Variants in ERBB4 observed in about 807,000 individuals in gnomAD.
ERBB4 encodes the protein erb-b2 receptor tyrosine kinase 4.
ERBB4 carries 42 observed loss-of-function variants against 158.0 expected under a neutral mutation model. The observed-to-expected ratio is 0.27, with a 90% confidence interval of 0.21 to 0.34. The LOEUF (loss-of-function observed/expected upper bound fraction) is 0.34, where lower values mean the gene tolerates loss of function less well. Ranked by LOEUF, ERBB4 falls within the 10% of genes least tolerant of loss-of-function variation. The probability of loss-of-function intolerance (pLI) is 1.00; values close to 1 mark genes in which losing one functional copy is unlikely to be tolerated. For missense variants in ERBB4, 1,333 were observed against 1,624.1 expected (o/e 0.82, Z 3.08); for synonymous variants, 583 against 558.7 (o/e 1.04, Z -0.61).
intron 20 of ERBB4, among the ~76,000 whole-genome samples, chr2:211,502,735 G>T (rs895241915): frequency 1.7e-4 from 26 of 152,038 alleles, no homozygotes; most frequent in Admixed American, 4.6e-4. Context: ...GCTCATTTAA[G>T]GATTTATAAT....
chr2:211,985,962 T>C (rs1002751229), intron 2 of ERBB4, among the ~76,000 whole-genome samples: 3 of 152,208 alleles, frequency 2.0e-5, no homozygotes, highest in Non-Finnish European at 4.4e-5. Flanking sequence ...TATTTGGAAA[T>C]AGCAGATCTA....
At chr2:212,320,249 G>T (rs574674212) in intron 1 of ERBB4, among the ~76,000 whole-genome samples, 2 of 147,840 alleles carry the variant, frequency 1.4e-5, no homozygotes, top group Admixed American at 6.7e-5. Flanking sequence ...TCCTGTGGCT[G>T]CCAGCATATA....
At chr2:211,806,929 T>C (rs1305400561) in intron 3 of ERBB4, among the ~76,000 whole-genome samples, 1 of 152,104 alleles carries the variant, frequency 6.6e-6, no homozygotes, top group Non-Finnish European at 1.5e-5. Flanking sequence ...CTTTTAAAGA[T>C]ACTTTTAAAG....
chr2:212,179,953 A>G (rs2081804148), intron 1 of ERBB4, among the ~76,000 whole-genome samples: 1 of 151,686 alleles, frequency 6.6e-6, no homozygotes, highest in Admixed American at 6.6e-5. Context: ...ATAGATGATA[A>G]AAAATAAATC....
At chr2:212,110,471 T>G (rs1329160814) in intron 2 of ERBB4, among the ~76,000 whole-genome samples, 1 of 152,212 alleles carries the variant, frequency 6.6e-6, no homozygotes, top group Non-Finnish European at 1.5e-5. Flanking sequence ...CTTTGACACT[T>G]TTCCAGCAGC....
intron 2 of ERBB4, among the ~76,000 whole-genome samples, chr2:212,072,729 A>C (rs2078160271): frequency 6.6e-6 from 1 of 152,006 alleles, no homozygotes; most frequent in African/African-American, 2.4e-5. Context: ...CATTTAAATC[A>C]ATAGATATTT....
chr2:211,952,616 G>A (rs2080903872), intron 2 of ERBB4, among the ~76,000 whole-genome samples: 1 of 152,052 alleles, frequency 6.6e-6, no homozygotes, highest in Non-Finnish European at 1.5e-5. Flanking sequence ...GGGCTTGTCT[G>A]CCAGGCAAAG....
At chr2:212,188,046 A>G (rs1456273586) in intron 1 of ERBB4, among the ~76,000 whole-genome samples, 4 of 152,050 alleles carry the variant, frequency 2.6e-5, no homozygotes, top group Non-Finnish European at 4.4e-5. Flanking sequence ...TGAATTTAGC[A>G]CTTCTTCTCC....
intron 1 of ERBB4, among the ~76,000 whole-genome samples, chr2:212,133,396 G>A (rs182254660): frequency 1.5e-5 from 2 of 137,126 alleles, no homozygotes; most frequent in South Asian, 4.5e-4. Flanking sequence ...TCATTTTGGT[G>A]TTTTTTTTTT....
intron 1 of ERBB4, among the ~76,000 whole-genome samples, chr2:212,290,647 A>G (rs1013840891): frequency 1.3e-5 from 2 of 151,770 alleles, no homozygotes; most frequent in African/African-American, 4.9e-5. Context: ...ATCACATACT[A>G]TACTATATTT....
chr2:211,962,551 G>A (rs946865857), intron 2 of ERBB4, among the ~76,000 whole-genome samples: 3 of 152,148 alleles, frequency 2.0e-5, no homozygotes, highest in Non-Finnish European at 4.4e-5. Flanking sequence ...TAGTGGCACT[G>A]TATACAGAGA....
intron 20 of ERBB4, among the ~76,000 whole-genome samples, chr2:211,544,982 G>T (rs2066904867): frequency 6.6e-6 from 1 of 151,954 alleles, no homozygotes; most frequent in Admixed American, 6.6e-5. Context: ...GAACATCAGG[G>T]GCTAGAAGGA....
intron 16 of ERBB4, among the ~76,000 whole-genome samples, chr2:211,652,077 C>T (rs2071008421): frequency 6.6e-6 from 1 of 152,152 alleles, no homozygotes; most frequent in Non-Finnish European, 1.5e-5. Context: ...ATTTTGCTAT[C>T]AAGGTAAAAG....
intron 1 of ERBB4, among the ~76,000 whole-genome samples, chr2:212,474,830 T>C (rs1350689830): frequency 7.3e-6 from 1 of 136,338 alleles, no homozygotes; most frequent in Non-Finnish European, 1.5e-5. Flanking sequence ...TTCTTTTTTT[T>C]TTTTTTTTTT....
At chr2:211,888,533 G>A (rs939045934) in intron 3 of ERBB4, among the ~76,000 whole-genome samples, 5 of 152,042 alleles carry the variant, frequency 3.3e-5, no homozygotes, top group Middle Eastern at 3.4e-3. Flanking sequence ...TTCATTTCAC[G>A]ACAGGGGAGG....
chr2:211,431,231 T>C lies in ERBB4; in HGVS notation c.2488-131A>G, dbSNP rs572758671. The stretch of plus-strand genomic sequence containing the variant: ...AGTGAAGCCAGAATCCTAGAATATT[T>C]TCAAAATTAGAGAAAACCTGATTTG... On this transcript the variant is annotated intron_variant, in intron 20 of 27. Transcript: ENST00000342788. The C allele has an allele frequency of 1.7e-5, 14 of 804,238 alleles. No homozygotes were observed. In the African/African-American group the frequency reaches 2.4e-4, roughly 14 times the overall value. 49.8% of individuals were successfully genotyped at this position (804,238 alleles called of 1,614,324 possible).
chr2:211,529,227 C>A (rs1306836764), intron 20 of ERBB4, among the ~76,000 whole-genome samples: 2 of 151,004 alleles, frequency 1.3e-5, no homozygotes, highest in African/African-American at 4.9e-5. Context: ...CTAGGAGTAA[C>A]AATATGCCAA....
intron 3 of ERBB4, among the ~76,000 whole-genome samples, chr2:211,894,797 G>T (rs569410290): frequency 3.7e-4 from 56 of 152,182 alleles, no homozygotes; most frequent in African/African-American, 1.3e-3. Flanking sequence ...TTTTCAAAAA[G>T]GAAGGGGAAA....
intron 1 of ERBB4, among the ~76,000 whole-genome samples, chr2:212,358,188 C>T (rs2106355840): frequency 6.6e-6 from 1 of 151,818 alleles, no homozygotes; most frequent in Admixed American, 6.6e-5. Context: ...TAAATCTTTC[C>T]TGAAGGAGAA....
Sources: gnomAD v4.1 joint callset for allele counts (sites outside exome capture counted in the v4.1 genomes callset) on GRCh38, gnomAD v4.1.1 for gene constraint, MANE v1.5 for transcripts, NCBI Gene and HGNC (gene_info 2026-07-23, HGNC 2026-07-21) for gene names.